Variants in YARS1 observed in about 807,000 individuals in gnomAD.
The protein encoded by YARS1 is tyrosine--tRNA ligase, cytoplasmic.
YARS1 carries 36 observed loss-of-function variants against 62.2 expected under a neutral mutation model. That is an observed-to-expected ratio of 0.58 (90% confidence interval 0.44 to 0.76). The LOEUF is 0.76. Among genes scored for constraint, YARS1 ranks in the 30% least tolerant of loss-of-function variants. YARS1 has a pLI of 0.00. For missense variants in YARS1, 524 were observed against 639.8 expected, an observed-to-expected ratio of 0.82 and a Z score of 1.95; for synonymous variants, 234 against 244.9, an observed-to-expected ratio of 0.96 and a Z score of 0.42.
intron 5 of YARS1, among the ~76,000 whole-genome samples, chr1:32,797,321 A>G (rs1653636646): frequency 6.6e-6 from 1 of 151,914 alleles, no homozygotes; most frequent in South Asian, 2.1e-4. Context: ...GTGATGAGCC[A>G]TGACCGCATT....
intron 5 of YARS1, among the ~76,000 whole-genome samples, chr1:32,795,118 G>A (rs929974490): frequency 6.6e-5 from 10 of 151,314 alleles, no homozygotes; most frequent in Non-Finnish European, 2.9e-5. Flanking sequence ...AGGAGACCGA[G>A]ACCACCTTGG....
intron 9 of YARS1, chr1:32,781,698 G>C (rs1458717396): frequency 6.0e-6 from 1 of 166,186 alleles, no homozygotes; most frequent in Non-Finnish European, 1.3e-5. Context: ...GAAGGAAACT[G>C]GGAGAATCTA....
chr1:32,796,214 T>G (rs780455586), intron 5 of YARS1, among the ~76,000 whole-genome samples: 1 of 151,668 alleles, frequency 6.6e-6, no homozygotes, highest in Non-Finnish European at 1.5e-5. Flanking sequence ...GAGAGTCACT[T>G]GAACCTGGGA....
intron 5 of YARS1, among the ~76,000 whole-genome samples, chr1:32,792,422 C>T (rs1407370560): frequency 6.6e-6 from 1 of 152,014 alleles, no homozygotes; most frequent in Non-Finnish European, 1.5e-5. Context: ...AAACACAATC[C>T]GGAGGGTCTA....
chr1:32,798,105 C>T, intron 4 of YARS1: 1 of 426,702 alleles, frequency 2.3e-6, no homozygotes, highest in Non-Finnish European at 4.4e-6. Context: ...ATCCTGAGCT[C>T]ACCTTGGCCA....
At chr1:32,779,326 C>G (rs1652979326) in intron 12 of YARS1, 56 bp downstream of exon 12, 5 of 1,613,592 alleles carry the variant, frequency 3.1e-6, no homozygotes, top group South Asian at 1.1e-5. Context: ...ACAGGACAGT[C>G]TGGGGACACA....
chr1:32,786,118 G>A lies in YARS1; in HGVS notation c.906+244C>T, dbSNP rs75658271. 0.022 allele frequency among the ~76,000 whole-genome samples: 3,337 copies of A among 152,124 alleles called. 106 individuals carry two copies. The highest frequency in any genetic ancestry group is 0.07 in the African/African-American group (2,911 of 41,466). On this transcript the variant is annotated intron_variant, in intron 8 of 12. Transcript: ENST00000373477. ...CCCTGCCAGGTAAGGAAAGGGCCCCGAGGGATAGAAATCCATCTGTATTAA... is the reference window on the plus strand; with the variant it reads ...CCCTGCCAGGTAAGGAAAGGGCCCCAAGGGATAGAAATCCATCTGTATTAA...
At chr1:32,804,996 C>G (rs1314680325) in intron 4 of YARS1, among the ~76,000 whole-genome samples, 1 of 152,082 alleles carries the variant, frequency 6.6e-6, no homozygotes, top group Non-Finnish European at 1.5e-5. Context: ...CTCGGGACGC[C>G]GAGGCGGGTA....
intron 3 of YARS1, among the ~76,000 whole-genome samples, chr1:32,807,747 G>A (rs942479493): frequency 6.6e-6 from 1 of 151,942 alleles, no homozygotes; most frequent in East Asian, 1.9e-4. Context: ...CCACAGTAGC[G>A]GGCTTGTTTT....
chr1:32,800,832 C>G (rs1638267763), intron 4 of YARS1, among the ~76,000 whole-genome samples: 1 of 152,188 alleles, frequency 6.6e-6, no homozygotes. Flanking sequence ...TTTGGCCTCC[C>G]AAAGTGCTGG....
At chr1:32,800,349 A>AT (rs1638248728) in intron 4 of YARS1, among the ~76,000 whole-genome samples, 1 of 152,014 alleles carries the variant, frequency 6.6e-6, no homozygotes, top group Non-Finnish European at 1.5e-5. Context: ...CATATCAAGC[A>AT]TTATAAAGGG....
intron 11 of YARS1, 39 bp downstream of exon 11, chr1:32,780,046 C>T: frequency 6.2e-7 from 1 of 1,612,610 alleles, no homozygotes; most frequent in Non-Finnish European, 8.5e-7. Context: ...TCTTCCTGGC[C>T]TCCCCAGGTC....
At chr1:32,812,983 A>T (rs1212816610) in intron 1 of YARS1, among the ~76,000 whole-genome samples, 1 of 151,622 alleles carries the variant, frequency 6.6e-6, no homozygotes, top group Non-Finnish European at 1.5e-5. Context: ...AAAAAAAAAA[A>T]AAAAACCTTG....
At chr1:32,810,486 G>A (rs1638559215) in intron 3 of YARS1, 105 bp downstream of exon 3, 17 of 1,458,992 alleles carry the variant, frequency 1.2e-5, no homozygotes, top group Non-Finnish European at 1.6e-5. Flanking sequence ...AATAGGTCAC[G>A]CCAGACAGCT....
intron 8 of YARS1, among the ~76,000 whole-genome samples, chr1:32,785,784 G>A (rs548320065): frequency 3.6e-4 from 54 of 151,666 alleles, no homozygotes; most frequent in Admixed American, 3.4e-3. Context: ...GGGTTTCTCC[G>A]TGTTGGTCAG....
intron 4 of YARS1, among the ~76,000 whole-genome samples, chr1:32,799,021 A>G (rs971383163): frequency 1.3e-5 from 2 of 152,222 alleles, no homozygotes; most frequent in Admixed American, 1.3e-4. Context: ...CCAGATGTTC[A>G]TATAAGGAAC....
chr1:32,780,341 C>T, intron 10 of YARS1, 63 bp from the exon 11 acceptor site: 2 of 1,597,988 alleles, frequency 1.3e-6, no homozygotes, highest in Non-Finnish European at 1.7e-6. Context: ...GCCTGGTGAA[C>T]TCTTGGATTC....
chr1:32,805,940 C>T (rs898840517), intron 4 of YARS1, among the ~76,000 whole-genome samples: 5 of 152,016 alleles, frequency 3.3e-5, no homozygotes, highest in Admixed American at 1.3e-4. Flanking sequence ...CCAGCCTGGG[C>T]GACACAGCGA....
chr1:32,794,450 T>C (rs1006905315), intron 5 of YARS1, among the ~76,000 whole-genome samples: 2 of 152,180 alleles, frequency 1.3e-5, no homozygotes, highest in Non-Finnish European at 2.9e-5. Context: ...AGTGCAATGG[T>C]GCGATCTCAG....
Sources: allele counts gnomAD v4.1 joint callset (sites outside exome capture counted in the v4.1 genomes callset), GRCh38; gene constraint gnomAD v4.1.1; transcripts MANE v1.5; gene names NCBI Gene and HGNC (gene_info 2026-07-23, HGNC 2026-07-21).